The following CYP3A4 variants were observed in gnomAD, a reference collection of about 807,000 sequenced individuals.
CYP3A4 encodes the protein cytochrome P450 3A4.
In CYP3A4, 41 loss-of-function variants were observed where a neutral mutation model predicts 54.9. The ratio of observed to expected loss-of-function variants is 0.75; its 90% CI spans 0.58 to 0.97. The LOEUF (loss-of-function observed/expected upper bound fraction) is 0.97. Among genes scored for constraint, CYP3A4 ranks in the 50% least tolerant of loss-of-function variants. The probability of loss-of-function intolerance (pLI) is 0.00; values close to 1 mark genes in which losing one functional copy is unlikely to be tolerated. For missense variants in CYP3A4, 510 were observed against 597.3 expected, an observed-to-expected ratio of 0.85 and a Z score of 1.52; for synonymous variants, 179 against 205.2, an observed-to-expected ratio of 0.87 and a Z score of 1.09.
intron 4 of CYP3A4, among the ~76,000 whole-genome samples, chr7:99,770,706 T>C (rs1815610302): frequency 6.6e-6 from 1 of 152,066 alleles, no homozygotes; most frequent in South Asian, 2.1e-4. Context: ...TGTGATGGTT[T>C]TAAAAAAAAT....
chr7:99,773,324 C>T (rs2151562584), intron 3 of CYP3A4, among the ~76,000 whole-genome samples: 1 of 152,242 alleles, frequency 6.6e-6, no homozygotes, highest in South Asian at 2.1e-4. Flanking sequence ...AGAACTTGAA[C>T]TCAGCTCTGG....
chr7:99,761,213 A>G (rs1402543263), intron 11 of CYP3A4, among the ~76,000 whole-genome samples: 1 of 152,180 alleles, frequency 6.6e-6, no homozygotes, highest in Non-Finnish European at 1.5e-5. Context: ...GATGAGATAA[A>G]TAGTGTTGCA....
rs1413648487 is a variant in CYP3A4, at chr7:99,768,499, G to A, written c.525C>T (p.Val175=). ...TCACATCCATGCTGTAGGCCCCAAA[G>A]ACGCTGAGTGGAGAAAGATGTGGAA... ...ETGKPVTLKD[V]FGAYSMDVIT... Residue 175 remains valine, a synonymous_variant, in exon 7 of 13, where the codon GTC becomes GTT. Transcript: ENST00000651514. 6.2e-7 allele frequency: 1 copy of A among 1,613,820 alleles called. No individual in the cohort carries two copies. Among genetic ancestry groups the A allele is most frequent in the Non-Finnish European group, 8.5e-7 (1 of 1,179,902 alleles).
Position 99,758,144 on chromosome 7 carries a change from T to C in CYP3A4, c.1501A>G (p.Ser501Gly), listed in dbSNP as rs1221668126. ...GTCCTTAGGAAAATTCAGGCTCCAC[T>C]TACGGTGCCATCCCTTGACTCAACC... Reference protein sequence around the residue: ...LKVESRDGTVSGA With the variant: ...LKVESRDGTVGGA Residue 501 changes from serine (S) to glycine (G), a missense_variant, in exon 13 of 13, where the codon AGT (serine) becomes GGT (glycine). Physicochemically the swap from Ser to Gly is moderately conservative, Grantham distance 56 (BLOSUM62 0). This residue lies in a region of CYP3A4 where 238 missense variants were observed against 322.5 expected (regional missense o/e 0.74). Coordinates refer to ENST00000651514, the MANE Select transcript of CYP3A4 (RefSeq NM_017460.6). 1 of 1,613,800 alleles carries C rather than the reference T, an allele frequency of 6.2e-7. No homozygotes were observed. The highest frequency in any genetic ancestry group is 1.3e-5 in the African/African-American group (1 of 74,936).
At chr7:99,769,966 G>A (rs755446878) in intron 5 of CYP3A4, 110 bp from the exon 6 acceptor site, 86 of 1,580,828 alleles carry the variant, frequency 5.4e-5, no homozygotes, top group African/African-American at 5.1e-4. Context: ...AATGAATTTT[G>A]TGATGTGTTT....
intron 11 of CYP3A4, among the ~76,000 whole-genome samples, chr7:99,761,387 T>G (rs1352917333): frequency 6.6e-6 from 1 of 152,222 alleles, no homozygotes; most frequent in African/African-American, 2.4e-5. Flanking sequence ...TGTCTTGTAC[T>G]ATTTCAAAAT....
chr7:99,779,875 T>C, intron 2 of CYP3A4, 117 bp downstream of exon 2: 1 of 938,646 alleles, frequency 1.1e-6, no homozygotes, highest in South Asian at 1.6e-5. Flanking sequence ...GCCTACACAC[T>C]GTTTCTGAAA....
chr7:99,766,622 A>C, intron 8 of CYP3A4, 179 bp from the exon 9 acceptor site: 1 of 753,514 alleles, frequency 1.3e-6, no homozygotes, highest in Non-Finnish European at 2.1e-6. Flanking sequence ...GGAAAGCAGG[A>C]TGTTTTCCTG....
At chr7:99,762,877 G>A (rs1422391146) in intron 10 of CYP3A4, among the ~76,000 whole-genome samples, 1 of 152,104 alleles carries the variant, frequency 6.6e-6, no homozygotes, top group Non-Finnish European at 1.5e-5. Flanking sequence ...ACATCCCTTT[G>A]TGTTCACCTC....
chr7:99,774,589 A>C (rs1047977018), intron 3 of CYP3A4, among the ~76,000 whole-genome samples: 1 of 152,174 alleles, frequency 6.6e-6, no homozygotes, highest in African/African-American at 2.4e-5. Flanking sequence ...AATGACAAAA[A>C]CCACATAATT....
Position 99,759,424 on chromosome 7 carries a change from G to GCA in CYP3A4, c.1417-1198_1417-1197dup, listed in dbSNP as rs28988598. ...CAGACAGACATGCATGCCCACATGT[G>GCA]CACACACACACACACACATGCATAT... is the stretch of plus-strand genomic sequence containing the variant. On this transcript the variant is annotated intron_variant, in intron 12 of 12. Transcript: ENST00000651514. 2.9e-3 allele frequency among the ~76,000 whole-genome samples: 434 copies of GCA among 151,070 alleles called. 7 individuals are homozygous for GCA. In the East Asian group the frequency reaches 0.049, roughly 17 times the overall value.
intron 3 of CYP3A4, among the ~76,000 whole-genome samples, chr7:99,776,026 G>A (rs4281055): frequency 0.78 from 118,904 of 152,052 alleles, 52,606 homozygotes; most frequent in East Asian, 1. Flanking sequence ...ATCAAAAAAT[G>A]GGCAAAGGAT....
rs374799825 is a variant in CYP3A4 at position 99,767,150 on chromosome 7, C to T, written c.779G>A (p.Arg260His). ...TTTTACCTTTTGTGTATCTTCGAGG[C>T]GACTTTCTTTCATCCTTTTTACAGA... Reference protein sequence around the residue: ...RKSVKRMKESRLEDTQKHRVD... With the variant: ...RKSVKRMKESHLEDTQKHRVD... The change falls in exon 8 of 13, where the codon CGC becomes CAC. Residue 260 changes from arginine to histidine, a missense_variant. Transcript: ENST00000651514. 1.6e-5 allele frequency: 26 copies of T among 1,610,130 alleles called. No individual in the cohort carries two copies. The highest frequency in any genetic ancestry group is 5.1e-5 in the Admixed American group (3 of 59,376).
intron 2 of CYP3A4, among the ~76,000 whole-genome samples, chr7:99,778,529 T>C (rs1376355656): frequency 6.6e-6 from 1 of 152,206 alleles, no homozygotes; most frequent in African/African-American, 2.4e-5. Context: ...GCTCTAGAGT[T>C]CTAGCAGAAT....
At chr7:99,764,567 G>A (rs1420677976) in intron 9 of CYP3A4, among the ~76,000 whole-genome samples, 1 of 152,156 alleles carries the variant, frequency 6.6e-6, no homozygotes, top group Non-Finnish European at 1.5e-5. Flanking sequence ...TTCAAAGTGT[G>A]GTCCATGGGT....
chr7:99,758,147 C>A lies in CYP3A4; in HGVS notation c.1498G>T (p.Val500Leu). ...CTTAGGAAAATTCAGGCTCCACTTA[C>A]GGTGCCATCCCTTGACTCAACCTTT... is the stretch of plus-strand genomic sequence containing the variant. Reference protein sequence around the residue: ...VLKVESRDGTVSGA With the variant: ...VLKVESRDGTLSGA Residue 500 changes from valine (V) to leucine (L), a missense_variant, in exon 13 of 13, where the codon GTA (valine) becomes TTA (leucine). Physicochemically the swap from Val to Leu is conservative, Grantham distance 32 (BLOSUM62 1). This residue lies in a region of CYP3A4 where 238 missense variants were observed against 322.5 expected (regional missense o/e 0.74). Transcript: ENST00000651514. 1 of 1,613,900 alleles carries A rather than the reference C, an allele frequency of 6.2e-7. No homozygotes were observed. The highest frequency in any genetic ancestry group is 8.5e-7 in the Non-Finnish European group (1 of 1,179,784).
chr7:99,761,040 A>G, intron 11 of CYP3A4, 59 bp from the exon 12 acceptor site: 1 of 1,568,168 alleles, frequency 6.4e-7, no homozygotes. Flanking sequence ...TAAGAGTTAC[A>G]TGTTAGGGTT....
At chr7:99,779,459 C>T (rs35384793) in intron 2 of CYP3A4, among the ~76,000 whole-genome samples, 9 of 152,122 alleles carry the variant, frequency 5.9e-5, no homozygotes, top group African/African-American at 2.2e-4. Context: ...GGGAATTTAG[C>T]ATTTTTCGGA....
intron 1 of CYP3A4, among the ~76,000 whole-genome samples, chr7:99,782,854 C>T (rs1265011369): frequency 1.3e-5 from 2 of 152,088 alleles, no homozygotes; most frequent in African/African-American, 2.4e-5. Flanking sequence ...TATATGCAAT[C>T]TTGTCATAGA....
Sources: gnomAD v4.1 joint callset for allele counts (sites outside exome capture counted in the v4.1 genomes callset) on GRCh38, gnomAD v4.1.1 for gene constraint, gnomAD v4.1.1 regional missense constraint, MANE v1.5 for transcripts, NCBI Gene and HGNC (gene_info 2026-07-23, HGNC 2026-07-21) for gene names.